Variants in PLA2G6 observed in about 807,000 individuals in gnomAD.
PLA2G6 encodes phospholipase A2 group VI.
Under a neutral mutation model 83.8 loss-of-function variants are expected in PLA2G6, and 62 were observed. That is an observed-to-expected ratio of 0.74 (90% CI 0.60 to 0.91). The LOEUF is 0.91. Among genes scored for constraint, PLA2G6 ranks in the 40% least tolerant of loss-of-function variants. The probability of loss-of-function intolerance (pLI) is 0.00; values close to 1 mark genes in which losing one functional copy is unlikely to be tolerated. For missense variants in PLA2G6, 944 were observed against 1,102.0 expected (o/e 0.86, Z 2.03); for synonymous variants, 417 against 449.8 (o/e 0.93, Z 0.92).
At chr22:38,173,313 G>A (rs542018310) in intron 1 of PLA2G6, among the ~76,000 whole-genome samples, 4 of 151,800 alleles carry the variant, frequency 2.6e-5, no homozygotes, top group Non-Finnish European at 5.9e-5. Flanking sequence ...ACTGATGACC[G>A]GCCCCTCCTC....
At chr22:38,112,643 C>T in intron 15 of PLA2G6, 66 bp from the exon 16 acceptor site, 1 of 1,338,376 alleles carries the variant, frequency 7.5e-7, no homozygotes, top group Non-Finnish European at 1.0e-6. Flanking sequence ...CCGCCCGGCC[C>T]TGCCCTGCAC....
chr22:38,161,476 G>C (rs1453255397), intron 2 of PLA2G6, among the ~76,000 whole-genome samples: 31 of 152,102 alleles, frequency 2.0e-4, no homozygotes, highest in Admixed American at 2.0e-3. Flanking sequence ...CGAGGGATTG[G>C]GGCTTCAACA....
intron 11 of PLA2G6, chr22:38,121,133 T>C: frequency 4.0e-6 from 2 of 501,656 alleles, no homozygotes; most frequent in East Asian, 7.4e-5. Flanking sequence ...ATCCCAGCAC[T>C]TTGGGAGGCT....
At chr22:38,148,576 A>G (rs1190722865) in intron 2 of PLA2G6, 4 of 717,002 alleles carry the variant, frequency 5.6e-6, no homozygotes, top group Non-Finnish European at 1.0e-5. Context: ...GAGCAGCACC[A>G]GTAACAGCCT....
intron 9 of PLA2G6, chr22:38,127,471 G>C (rs1314018518): frequency 7.5e-7 from 1 of 1,326,204 alleles, no homozygotes; most frequent in Non-Finnish European, 1.0e-6. Flanking sequence ...GCAAAATTGA[G>C]AGATAAAGAT....
chr22:38,154,782 T>C (rs1232858250), intron 2 of PLA2G6, among the ~76,000 whole-genome samples: 1 of 152,210 alleles, frequency 6.6e-6, no homozygotes, highest in East Asian at 1.9e-4. Context: ...AAGGTACCAG[T>C]GGCCAATTCT....
chr22:38,123,970 G>C lies in PLA2G6; in HGVS notation c.1428-712C>G, dbSNP rs2087682240. ...CCTGCCTCAACCTCCCGAGTAGCTG[G>C]GATCACAGGTGCCCGCCACCACACC... On this transcript the variant is annotated intron_variant, in intron 10 of 16. Coordinates refer to ENST00000332509, the MANE Select transcript of PLA2G6 (RefSeq NM_003560.4). This position sits in a 1 kb window ranked among gnomAD's most constrained non-coding sequence, Gnocchi z 4.1. Among the ~76,000 whole-genome samples the C allele has an allele frequency of 6.6e-6, 1 of 152,008 alleles. No individual in the cohort carries two copies. Among genetic ancestry groups the C allele is most frequent in the African/African-American group, 2.4e-5 (1 of 41,370 alleles).
In PLA2G6 at chr22:38,112,018, G is replaced by A; in HGVS notation, c.*143C>T. The A allele has an allele frequency of 1.1e-6, 1 of 945,334 alleles. No homozygotes were observed. The highest frequency in any genetic ancestry group is 1.6e-6 in the Non-Finnish European group (1 of 608,438). 58.6% of individuals were successfully genotyped at this position (945,334 alleles called of 1,614,324 possible). The stretch of plus-strand genomic sequence containing the variant: ...AGGCCTTCAGGACCAGCCTCGGGCA[G>A]GCAGCTTGGCATTCTCCCAGGCCTG... On this transcript the variant is annotated 3_prime_UTR_variant, in exon 17 of 17. Transcript: ENST00000332509.
At chr22:38,158,170 CT>C (rs558539609) in intron 2 of PLA2G6, among the ~76,000 whole-genome samples, 133 of 136,468 alleles carry the variant, frequency 9.7e-4, no homozygotes, top group South Asian at 1.4e-3. Context: ...TTTTTCTTTT[CT>C]TTTTTTTTTT....
chr22:38,170,280 G>A (rs2145933855), intron 1 of PLA2G6, among the ~76,000 whole-genome samples: 1 of 151,644 alleles, frequency 6.6e-6, no homozygotes, highest in East Asian at 1.9e-4. Flanking sequence ...GATACCAAAA[G>A]GTGACCAGCA....
chr22:38,125,777 A>C, intron 10 of PLA2G6: 1 of 462,850 alleles, frequency 2.2e-6, no homozygotes, highest in Non-Finnish European at 4.5e-6. Flanking sequence ...CAACTGCAGC[A>C]ATCAAGGGAG....
At chr22:38,114,616 ACAGT>A (rs2087077126) in intron 14 of PLA2G6, among the ~76,000 whole-genome samples, 1 of 152,120 alleles carries the variant, frequency 6.6e-6, no homozygotes, top group Non-Finnish European at 1.5e-5. Flanking sequence ...CTAGTGTCTG[ACAGT>A]CTGACGGTCT....
intron 2 of PLA2G6, among the ~76,000 whole-genome samples, chr22:38,164,020 A>G (rs1472569886): frequency 6.6e-6 from 1 of 152,170 alleles, no homozygotes; most frequent in Non-Finnish European, 1.5e-5. Context: ...TGGGAGGTAC[A>G]GCCCTGTTTC....
In PLA2G6 at chr22:38,115,587, G is replaced by T. The variant is rs1048444597; in HGVS notation, c.1974C>A (p.Asn658Lys). The T allele has an allele frequency of 1.9e-6, 3 of 1,613,346 alleles. No homozygotes were observed. The highest frequency in any genetic ancestry group is 3.3e-5 in the Admixed American group (2 of 59,950). ...CGGTCATGGCATCCAGCGTGGGGTT[G>T]TTGGCCAGCAGCCCACCGTCCAGGA... is the stretch of plus-strand genomic sequence containing the variant. The part of the protein sequence containing the change: ...GRFLDGGLLA[N>K]NPTLDAMTEI... Residue 658 changes from asparagine to lysine, a missense_variant, in exon 14 of 17, where the codon AAC becomes AAA. Physicochemically the swap from Asn to Lys is moderately conservative, Grantham distance 94 (BLOSUM62 0). Transcript: ENST00000332509.
chr22:38,128,552 G>A lies in PLA2G6; in HGVS notation c.1187-122C>T. On this transcript the variant is annotated intron_variant, in intron 8 of 16. Transcript: ENST00000332509. The surrounding 1 kb of genome is among the most constrained non-coding windows in gnomAD (Gnocchi z 4.4). The stretch of plus-strand genomic sequence containing the variant: ...CCAGCTCCCAGGCCCTGGGCACGTG[G>A]GCTGCTCCAGAGGCCTCAGCCCACC... 9.1e-7 allele frequency: 1 copy of A among 1,099,228 alleles called. No homozygotes were observed. Among genetic ancestry groups the A allele is most frequent in the East Asian group, 2.6e-5 (1 of 39,036 alleles). 68.1% of individuals were successfully genotyped at this position (1,099,228 alleles called of 1,614,324 possible). A position where few individuals can be genotyped will look rare whatever the true frequency, so the allele number is the denominator to read the frequency against.
At chr22:38,177,130 G>A (rs940127405) in intron 1 of PLA2G6, among the ~76,000 whole-genome samples, 4 of 152,110 alleles carry the variant, frequency 2.6e-5, no homozygotes, top group Non-Finnish European at 1.5e-5. Flanking sequence ...AGGAAATGGG[G>A]TGGCAGGTTG....
At position 38,115,562 on chromosome 22, in the gene PLA2G6, C is replaced by T. The variant is rs762928103; in HGVS notation, c.1999G>A (p.Glu667Lys). Residue 667 changes from glutamate to lysine, a missense_variant, in exon 14 of 17, where the codon GAG (glutamate) becomes AAG (lysine). Coordinates refer to ENST00000332509, the MANE Select transcript of PLA2G6 (RefSeq NM_003560.4). The part of the protein sequence containing the change: ...ANNPTLDAMT[E>K]IHEYNQDLIR... ...AGGTCCTGATTGTACTCATGGATCT[C>T]GGTCATGGCATCCAGCGTGGGGTTG... 6 of 1,613,500 alleles carry T rather than the reference C, an allele frequency of 3.7e-6. No homozygotes were observed. Among genetic ancestry groups the T allele is most frequent in the Admixed American group, 1.7e-5 (1 of 59,950 alleles).
intron 13 of PLA2G6, 189 bp from the exon 14 acceptor site, chr22:38,115,870 C>T: frequency 6.8e-7 from 1 of 1,480,474 alleles, no homozygotes; most frequent in Non-Finnish European, 8.9e-7. Context: ...GCAGGTACAG[C>T]TGAGGACTTT....
intron 1 of PLA2G6, among the ~76,000 whole-genome samples, chr22:38,172,209 C>A (rs1049867683): frequency 6.6e-6 from 1 of 152,160 alleles, no homozygotes; most frequent in Non-Finnish European, 1.5e-5. Flanking sequence ...CTATTATTAT[C>A]CTCATTTTAC....
Sources: allele counts gnomAD v4.1 joint callset (sites outside exome capture counted in the v4.1 genomes callset), GRCh38; gene constraint gnomAD v4.1.1; non-coding constraint Gnocchi (gnomAD v3.1); transcripts MANE v1.5; gene names NCBI Gene and HGNC (gene_info 2026-07-23, HGNC 2026-07-21).